Variants in GPR108 observed in about 807,000 individuals in gnomAD.
The protein encoded by GPR108 is protein GPR108.
Under a neutral mutation model 74.3 loss-of-function variants are expected in GPR108, and 60 were observed. The observed-to-expected ratio is 0.81, with a 90% CI of 0.66 to 1.00. GPR108 has a LOEUF of 1.00. Among genes scored for constraint, GPR108 ranks in the 50% least tolerant of loss-of-function variants. The pLI is 0.00. For synonymous variants in GPR108, 311 were observed against 292.4 expected (o/e 1.06, Z -0.65); for missense variants, 667 against 703.3 (o/e 0.95, Z 0.58).
Position 6,734,216 on chromosome 19 carries a change from G to T in GPR108, c.466C>A (p.Pro156Thr). 1 of 1,614,208 alleles carries T rather than the reference G, an allele frequency of 6.2e-7. No homozygotes were observed. Among genetic ancestry groups the T allele is most frequent in the Non-Finnish European group, 8.5e-7 (1 of 1,180,034 alleles). ...ACCTTGCGGGGGACTGTGGCCTGTG[G>T]CTTCGGGAGCCCTGGTTTGGAGGGT... ...EAPSKPGLPK[P>T]QATVPRKVDG... is the part of the protein sequence containing the mutation. Residue 156 changes from proline to threonine, a missense_variant, in exon 5 of 18, where the codon CCA becomes ACA. Transcript: ENST00000264080.
Position 6,733,576 on chromosome 19 carries a change from G to A in GPR108, c.717C>T (p.Asp239=), listed in dbSNP as rs182401961. Residue 239 remains aspartate (D), a synonymous_variant, in exon 8 of 18, where the codon GAC becomes GAT. Transcript: ENST00000264080. The stretch of plus-strand genomic sequence containing the variant: ...TGCCCTCCACTCCGCTCACCGTGAT[G>A]TCGAATGGATGCTCCTTTCCTGGCA... ...NSVPGKEHPF[D]ITVMIREKNP... 6.5e-4 allele frequency: 1,044 copies of A among 1,613,880 alleles called. 2 individuals carry two copies. Among genetic ancestry groups the A allele is most frequent in the Non-Finnish European group, 8.5e-4 (1,008 of 1,179,724 alleles).
rs1438003843 is a variant in GPR108 at position 6,737,447 on chromosome 19, C to T, written c.120+10G>A. ...CCACCGACCCCAGACCCTCGCGCGG[C>T]GGGCCTCACCGTCAGCGCCAGCTGG... On this transcript the variant is annotated intron_variant, in intron 1 of 17. Transcript: ENST00000264080. 6.3e-7 allele frequency: 1 copy of T among 1,585,876 alleles called. No homozygotes were observed. Among genetic ancestry groups the T allele is most frequent in the South Asian group, 1.1e-5 (1 of 90,060 alleles).
chr19:6,732,172 G>T lies in GPR108; in HGVS notation c.1126-17C>A, dbSNP rs781481077. Reference sequence around the variant, plus strand: ...GGCCAGGACCTGCGCAGGCGGCGGGGGTGGGTGGGCACTGCCTGGCACGCT... The same window carrying T: ...GGCCAGGACCTGCGCAGGCGGCGGGTGTGGGTGGGCACTGCCTGGCACGCT... On this transcript the variant is annotated splice_polypyrimidine_tract_variant and intron_variant, in intron 12 of 17. Transcript: ENST00000264080. 36 of 1,613,054 alleles carry T rather than the reference G, an allele frequency of 2.2e-5. 2 individuals are homozygous for T. In the South Asian group the frequency reaches 3.5e-4, roughly 16 times the overall value.
intron 10 of GPR108, 93 bp downstream of exon 10, chr19:6,732,890 GGCCC>G: frequency 9.3e-7 from 1 of 1,070,994 alleles, no homozygotes; most frequent in South Asian, 1.4e-5. Flanking sequence ...GCTGGCGGAT[GGCCC>G]TCCCACAGGC....
In GPR108 at chr19:6,733,893, C is replaced by T. The variant is rs1464212072; in HGVS notation, c.570G>A (p.Lys190=). 3.7e-6 allele frequency: 6 copies of T among 1,614,192 alleles called. No individual in the cohort carries two copies. The highest frequency in any genetic ancestry group is 1.6e-4 in the Middle Eastern group (1 of 6,062). ...AVIQGPSGKD[K]DLVLGLSHLN... is the part of the protein sequence containing the mutation. ...GGTGGCTCAGGCCCAACACCAGGTC[C>T]TTGTCCTTCCCACTAGGACCCTGAA... is the stretch of plus-strand genomic sequence containing the variant. Residue 190 remains lysine (K), a synonymous_variant, in exon 7 of 18, where the codon AAG becomes AAA. Coordinates refer to ENST00000264080, the MANE Select transcript of GPR108 (RefSeq NM_001080452.2).
rs373831903 is a variant in GPR108, at chr19:6,737,537, G to T, written c.40C>A (p.Pro14Thr). The T allele has an allele frequency of 1.6e-4, 248 of 1,552,472 alleles. No homozygotes were observed. The African/African-American group carries it at 3.2e-3, about 20-fold the overall frequency. Residue 14 changes from proline to threonine, a missense_variant, in exon 1 of 18, where the codon CCC (proline) becomes ACC (threonine). Coordinates refer to ENST00000264080, the MANE Select transcript of GPR108 (RefSeq NM_001080452.2). ...AGTAGCCGCTGCCCCCACTCCGCGG[G>T]GCTCCCGCGGCCGAGCCCCCTCCTC... ...SERRGLGRGS[P>T]AEWGQRLLLV...
intron 10 of GPR108, 167 bp downstream of exon 10, chr19:6,732,794 GTGGTGGACAGAGCTGCCCCGCAGGAC>G (rs1456743221): frequency 3.1e-6 from 2 of 653,326 alleles, no homozygotes; most frequent in Middle Eastern, 4.1e-4. Flanking sequence ...CCAAGGGACA[GTGGTGGACAGAGCTGCCCCGCAGGAC>G]TGGTGGACAG....
intron 17 of GPR108, 78 bp downstream of exon 17, chr19:6,730,909 G>GGCCCCCCCCC: frequency 1.5e-6 from 1 of 662,532 alleles, no homozygotes; most frequent in East Asian, 3.9e-5. Flanking sequence ...CCTCCCCCCT[G>GGCCCCCCCCC]CCCACCCTGC....
chr19:6,730,411 T>C (rs543582149), intron 17 of GPR108, 27 bp from the exon 18 acceptor site: 2 of 1,603,546 alleles, frequency 1.2e-6, no homozygotes, highest in South Asian at 1.1e-5. Context: ...AGGAGGCGTC[T>C]AGCGTTGCAG....
In GPR108 at chr19:6,735,893, A is replaced by C; in HGVS notation, c.291+15T>G. ...TCCAGCCCCTTCTCCCGTCTTCCCC[A>C]TGCCCTCCACTCACTGAATAGGAGC... is the stretch of plus-strand genomic sequence containing the variant. On this transcript the variant is annotated intron_variant, in intron 3 of 17. Transcript: ENST00000264080. The C allele has an allele frequency of 1.2e-6, 2 of 1,610,400 alleles. No individual in the cohort carries two copies. Among genetic ancestry groups the C allele is most frequent in the Non-Finnish European group, 1.7e-6 (2 of 1,178,158 alleles).
In GPR108 at chr19:6,734,017, G is replaced by A. The variant is rs536441352; in HGVS notation, c.537C>T (p.Pro179=). ...GCCTCCCCGAAACCTGAATCACTGC[G>A]GGTGTTGACTTGGGCTTGCTGGCTG... The part of the protein sequence containing the change: ...TSAASKPKST[P]AVIQGPSGKD... The change falls in exon 6 of 18, where the codon CCC becomes CCT. Residue 179 remains proline (P), a synonymous_variant. Coordinates refer to ENST00000264080, the MANE Select transcript of GPR108 (RefSeq NM_001080452.2). 32 of 1,614,182 alleles carry A rather than the reference G, an allele frequency of 2.0e-5. No individual in the cohort carries two copies. The highest frequency in any genetic ancestry group is 1.3e-4 in the Admixed American group (8 of 60,024).
chr19:6,732,811 C>A, intron 10 of GPR108, 176 bp downstream of exon 10: 1 of 658,204 alleles, frequency 1.5e-6, no homozygotes, highest in Non-Finnish European at 2.7e-6. Context: ...ACAGAGCTGC[C>A]CCGCAGGACT....
chr19:6,736,766 C>T (rs1185318204), intron 1 of GPR108, 55 bp from the exon 2 acceptor site: 2 of 1,611,560 alleles, frequency 1.2e-6, no homozygotes, highest in South Asian at 1.1e-5. Flanking sequence ...CCTGCCCAGC[C>T]CCAGGGGTCT....
In GPR108 at chr19:6,733,153, G is replaced by C. The variant is rs752191964; in HGVS notation, c.857+15C>G. On this transcript the variant is annotated intron_variant, in intron 9 of 17. Transcript: ENST00000264080. ...GTGAAGGGACGTGGGGGACCCTCAG[G>C]GGCAGGGGCATTACGTGTTCCTGCA... 1.2e-6 allele frequency: 2 copies of C among 1,613,958 alleles called. No homozygotes were observed. Among genetic ancestry groups the C allele is most frequent in the East Asian group, 2.2e-5 (1 of 44,872 alleles).
intron 10 of GPR108, 46 bp downstream of exon 10, chr19:6,732,941 G>A: frequency 6.6e-7 from 1 of 1,513,416 alleles, no homozygotes; most frequent in Non-Finnish European, 9.0e-7. Flanking sequence ...GGCCCGGGTG[G>A]GCCTTTCAGC....
At chr19:6,735,418 C>T (rs545185431) in intron 4 of GPR108, 15 of 566,062 alleles carry the variant, frequency 2.6e-5, no homozygotes, top group Middle Eastern at 4.6e-4. Context: ...CCTCTGTATC[C>T]GGGTCTTCTG....
intron 17 of GPR108, 83 bp downstream of exon 17, chr19:6,730,904 C>T: frequency 2.0e-6 from 2 of 984,522 alleles, no homozygotes; most frequent in Non-Finnish European, 3.0e-6. Context: ...CAGTCCCTCC[C>T]CCCTGCCCAC....
Position 6,730,255 on chromosome 19 carries a change from G to A in GPR108, c.*57C>T, listed in dbSNP as rs1240981547. 1 of 1,491,682 alleles carries A rather than the reference G, an allele frequency of 6.7e-7. No homozygotes were observed. The highest frequency in any genetic ancestry group is 9.4e-7 in the Non-Finnish European group (1 of 1,068,368). 92.4% of individuals were successfully genotyped at this position (1,491,682 alleles called of 1,614,324 possible). ...CTCCCCACATACGCTGTGGAAGAAG[G>A]GCAGGAGTGAGAAATGCTGGGGGAG... On this transcript the variant is annotated 3_prime_UTR_variant, in exon 18 of 18. Coordinates refer to ENST00000264080, the MANE Select transcript of GPR108 (RefSeq NM_001080452.2).
Position 6,733,923 on chromosome 19 carries a change from CAG to C in GPR108, c.550-12_550-11del, listed in dbSNP as rs1968526545. On this transcript the variant is annotated splice_polypyrimidine_tract_variant and intron_variant, in intron 6 of 17. Coordinates refer to ENST00000264080, the MANE Select transcript of GPR108 (RefSeq NM_001080452.2). Reference sequence around the variant, plus strand: ...CCTTCCCACTAGGACCCTGAAGGGACAGAGCCCCTCCATCAGCTGGTTCTGGG... The same window carrying C: ...CCTTCCCACTAGGACCCTGAAGGGACAGCCCCTCCATCAGCTGGTTCTGGG... The C allele has an allele frequency of 6.2e-7, 1 of 1,614,078 alleles. No homozygotes were observed. Among genetic ancestry groups the C allele is most frequent in the African/African-American group, 1.3e-5 (1 of 74,928 alleles).
Sources: gnomAD v4.1 joint callset for allele counts on GRCh38, gnomAD v4.1.1 for gene constraint, MANE v1.5 for transcripts, NCBI Gene and HGNC (gene_info 2026-07-23, HGNC 2026-07-21) for gene names.